Variants in LRRC75B observed in about 807,000 individuals in gnomAD.
LRRC75B encodes the protein leucine rich repeat containing 75B.
LRRC75B carries 20 observed loss-of-function variants against 16.5 expected under a neutral mutation model. The observed-to-expected ratio is 1.21, with a 90% CI of 0.85 to 1.76. The LOEUF (loss-of-function observed/expected upper bound fraction) is 1.76, where lower values mean the gene tolerates loss of function less well. Among genes scored for constraint, LRRC75B ranks in the 40% most tolerant of loss-of-function variants. LRRC75B has a pLI of 0.00. For synonymous variants in LRRC75B, 199 were observed against 198.1 expected (o/e 1.00, Z -0.04); for missense variants, 406 against 417.0 (o/e 0.97, Z 0.23).
At chr22:24,592,744 C>T (rs1815250235) in intron 1 of LRRC75B, 119 bp downstream of exon 1, 1 of 1,288,494 alleles carries the variant, frequency 7.8e-7, no homozygotes, top group Admixed American at 3.8e-5. Context: ...CAGAGACCAG[C>T]TCCGCCTCGC....
At position 24,592,964 on chromosome 22, in the gene LRRC75B, C is replaced by A; in HGVS notation, c.76G>T (p.Ala26Ser). The A allele has an allele frequency of 8.4e-7, 1 of 1,189,608 alleles. No individual in the cohort carries two copies. The highest frequency in any genetic ancestry group is 1.0e-6 in the Non-Finnish European group (1 of 960,208). 73.7% of individuals were successfully genotyped at this position (1,189,608 alleles called of 1,614,324 possible). A position where few individuals can be genotyped will look rare whatever the true frequency, so the allele number is the denominator to read the frequency against. The change falls in exon 1 of 4, where the codon GCG (alanine) becomes TCG (serine). Residue 26 changes from alanine (A) to serine (S), a missense_variant. By Grantham distance (99) the Ala-to-Ser change is moderately conservative (BLOSUM62 1). Transcript: ENST00000318753. Reference protein sequence around the residue: ...EAGAAAGCGPAPYERRVRWLR... With the variant: ...EAGAAAGCGPSPYERRVRWLR... The stretch of plus-strand genomic sequence containing the variant: ...CACCGCACCCGGCGCTCGTAGGGCG[C>A]GGGCCCGCAGCCGGCCGCCGCCCCG...
At chr22:24,589,517 G>A in intron 2 of LRRC75B, 1 of 471,382 alleles carries the variant, frequency 2.1e-6, no homozygotes, top group Non-Finnish European at 3.2e-6. Flanking sequence ...GTCCCCATAT[G>A]ACTTCTGCCC....
rs2045600639 is a variant in LRRC75B at position 24,592,502 on chromosome 22, C to T, written c.177+361G>A. 52 of 443,578 alleles carry T rather than the reference C, an allele frequency of 1.2e-4. 1 individual carries two copies. Among genetic ancestry groups the T allele is most frequent in the South Asian group, 8.8e-4 (52 of 59,268 alleles). The allele number at this position is 443,578 out of a possible 1,614,324, so 27.5% of individuals were successfully genotyped here. On this transcript the variant is annotated intron_variant, in intron 1 of 3. Transcript: ENST00000318753. ...GACCTCACTTGCCACTCCTCCCGGGCCCCTCCCATCTTGCCAGGGCCTGAA... is the reference window on the plus strand; with the variant it reads ...GACCTCACTTGCCACTCCTCCCGGGTCCCTCCCATCTTGCCAGGGCCTGAA...
intron 3 of LRRC75B, 84 bp downstream of exon 3, chr22:24,588,130 G>T: frequency 9.2e-7 from 1 of 1,086,370 alleles, no homozygotes; most frequent in Non-Finnish European, 1.4e-6. Flanking sequence ...TTCAGCACCA[G>T]CCTCTTGGTG....
At position 24,588,303 on chromosome 22, in the gene LRRC75B, G is replaced by T; in HGVS notation, c.333C>A (p.Asp111Glu). 1 of 1,613,398 alleles carries T rather than the reference G, an allele frequency of 6.2e-7. No homozygotes were observed. The highest frequency in any genetic ancestry group is 8.5e-7 in the Non-Finnish European group (1 of 1,179,856). Reference protein sequence around the residue: ...KKDYELWKSSDKICRQLIYHL... With the variant: ...KKDYELWKSSEKICRQLIYHL... ...GGTAGATGAGCTGTCGGCAGATCTT[G>T]TCCGAGGACTTCCAGAGCTCATAGT... The change falls in exon 3 of 4, where the codon GAC becomes GAA. Residue 111 changes from aspartate (D) to glutamate (E), a missense_variant. Transcript: ENST00000318753.
chr22:24,592,135 G>T (rs1426247389), intron 1 of LRRC75B: 3 of 381,192 alleles, frequency 7.9e-6, no homozygotes, highest in African/African-American at 4.2e-5. Context: ...GGACGGGGTG[G>T]TGAGGGAAGT....
At chr22:24,588,523 G>C in intron 2 of LRRC75B, 194 bp from the exon 3 acceptor site, 1 of 756,420 alleles carries the variant, frequency 1.3e-6, no homozygotes, top group Non-Finnish European at 2.1e-6. Flanking sequence ...AGGGGAGGCT[G>C]CCCTCTGGGA....
intron 3 of LRRC75B, among the ~76,000 whole-genome samples, chr22:24,586,727 C>A (rs1478828026): frequency 1.3e-5 from 2 of 152,176 alleles, no homozygotes; most frequent in East Asian, 3.9e-4. Flanking sequence ...GGCGGGGTTT[C>A]TCCATCTTTG....
intron 1 of LRRC75B, chr22:24,592,265 A>T (rs1268534054): frequency 4.3e-6 from 2 of 464,852 alleles, no homozygotes; most frequent in African/African-American, 4.0e-5. Context: ...GTTGTGATGC[A>T]CAGATGCTGG....
At chr22:24,589,365 C>G in intron 2 of LRRC75B, 1 of 1,129,156 alleles carries the variant, frequency 8.9e-7, no homozygotes, top group Admixed American at 4.8e-5. Context: ...GAGCACCCGT[C>G]CGCAAGGGTG....
intron 1 of LRRC75B, chr22:24,592,237 G>A: frequency 2.2e-6 from 1 of 458,422 alleles, no homozygotes; most frequent in Admixed American, 2.4e-5. Context: ...TAGGAGCAGA[G>A]CCACCACCGG....
At chr22:24,589,682 TCAGA>T (rs1279332999) in intron 2 of LRRC75B, 135 bp downstream of exon 2, 1 of 984,654 alleles carries the variant, frequency 1.0e-6, no homozygotes, top group Non-Finnish European at 1.4e-6. Flanking sequence ...GCAGCAGGTC[TCAGA>T]CAGGGACAGT....
At chr22:24,590,527 A>C (rs1234171289) in intron 1 of LRRC75B, among the ~76,000 whole-genome samples, 1 of 152,052 alleles carries the variant, frequency 6.6e-6, no homozygotes, top group Admixed American at 6.5e-5. Context: ...GTGCTGTGAC[A>C]CTGCCTTCTC....
chr22:24,592,908 C>G lies in LRRC75B; in HGVS notation c.132G>C (p.Glu44Asp), dbSNP rs530009323. Reference sequence around the variant, plus strand: ...GCTGCCGGGCGCGCTCCGGCCGCCGCTCGCGGAGCGTGGACTGGATCTCGC... The same window carrying G: ...GCTGCCGGGCGCGCTCCGGCCGCCGGTCGCGGAGCGTGGACTGGATCTCGC... ...WLREIQSTLR[E>D]RRPERARQLL... Residue 44 changes from glutamate to aspartate, a missense_variant, in exon 1 of 4, where the codon GAG becomes GAC. Glu to Asp is a conservative substitution (Grantham distance 45). Transcript: ENST00000318753. The G allele has an allele frequency of 1.6e-6, 2 of 1,279,950 alleles. No homozygotes were observed. Among genetic ancestry groups the G allele is most frequent in the African/African-American group, 1.6e-5 (1 of 64,262 alleles). 79.3% of individuals were successfully genotyped at this position (1,279,950 alleles called of 1,614,324 possible).
At chr22:24,592,536 C>T (rs1203582012) in intron 1 of LRRC75B, 2 of 436,686 alleles carry the variant, frequency 4.6e-6, no homozygotes, top group Middle Eastern at 3.3e-4. Context: ...AATTTGGGCT[C>T]TTAGGTCCAG....
intron 3 of LRRC75B, 131 bp from the exon 4 acceptor site, chr22:24,586,542 A>G (rs983668735): frequency 9.7e-7 from 1 of 1,033,652 alleles, no homozygotes. Flanking sequence ...TGTCTTTCGT[A>G]TTTTTTGAGA....
rs1359870749 is a variant in LRRC75B at position 24,586,168 on chromosome 22, C to G, written c.666G>C (p.Arg222=). Residue 222 remains arginine, a synonymous_variant, in exon 4 of 4, where the codon CGG becomes CGC. Coordinates refer to ENST00000318753, the MANE Select transcript of LRRC75B (RefSeq NM_207644.3). ...QLLLNGNRLT[R]ATARKLTDAI... is the part of the protein sequence containing the mutation. ...CATCAGTGAGCTTGCGGGCAGTGGC[C>G]CGCGTCAGTCGGTTGCCGTTGAGCA... The G allele has an allele frequency of 3.7e-6, 6 of 1,613,590 alleles. No homozygotes were observed. Among genetic ancestry groups the G allele is most frequent in the Non-Finnish European group, 4.2e-6 (5 of 1,179,976 alleles).
rs551705099 is a variant in LRRC75B at position 24,588,629 on chromosome 22, G to C, written c.307-300C>G. Reference sequence around the variant, plus strand: ...TCCTCGGGCCCAGGGCCAGCGTCTCGGGCTATCAGCCGGCTGCCTGCCCAC... The same window carrying C: ...TCCTCGGGCCCAGGGCCAGCGTCTCCGGCTATCAGCCGGCTGCCTGCCCAC... On this transcript the variant is annotated intron_variant, in intron 2 of 3. Transcript: ENST00000318753. 111 of 1,096,688 alleles carry C rather than the reference G, an allele frequency of 1.0e-4. No individual in the cohort carries two copies. In the African/African-American group the frequency reaches 1.6e-3, roughly 16 times the overall value. The allele number at this position is 1,096,688 out of a possible 1,614,324, so 67.9% of individuals were successfully genotyped here. A position where few individuals can be genotyped will look rare whatever the true frequency, so the allele number is the denominator to read the frequency against.
At position 24,586,366 on chromosome 22, in the gene LRRC75B, C is replaced by T; in HGVS notation, c.468G>A (p.Val156=). ...LQKTLLAGET[V]DLSGIPLSTQ... The stretch of plus-strand genomic sequence containing the variant: ...TCGACAGCGGGATGCCTGAGAGGTC[C>T]ACAGTCTCCCCTGCCAGCAGAGTCT... Residue 156 remains valine, a synonymous_variant, in exon 4 of 4, where the codon GTG becomes GTA. Coordinates refer to ENST00000318753, the MANE Select transcript of LRRC75B (RefSeq NM_207644.3). 1 of 1,613,806 alleles carries T rather than the reference C, an allele frequency of 6.2e-7. No homozygotes were observed. The highest frequency in any genetic ancestry group is 1.1e-5 in the South Asian group (1 of 91,074).
Sources: gnomAD v4.1 joint callset for allele counts (sites outside exome capture counted in the v4.1 genomes callset) on GRCh38, gnomAD v4.1.1 for gene constraint, MANE v1.5 for transcripts, NCBI Gene and HGNC (gene_info 2026-07-23, HGNC 2026-07-21) for gene names.